RSF1: variants seen among roughly 807,000 people sequenced by gnomAD.
The protein encoded by RSF1 is HBV pX-associated protein 8.
A neutral mutation model predicts 145.2 loss-of-function variants in RSF1; 13 were observed. The observed-to-expected ratio is 0.09, with a 90% CI of 0.06 to 0.14. The LOEUF is 0.14. RSF1 is among the 10% of genes least tolerant of loss of function. RSF1 has a pLI of 1.00. For synonymous variants in RSF1, 577 were observed against 592.6 expected, an observed-to-expected ratio of 0.97 and a Z score of 0.38; for missense variants, 1,517 against 1,718.2, an observed-to-expected ratio of 0.88 and a Z score of 2.07.
intron 4 of RSF1, chr11:77,738,556 G>A (rs1248921332): frequency 6.6e-6 from 1 of 152,162 alleles, no homozygotes. Context: ...TGGATACCAA[G>A]GGACAAAAGT....
the RSF1 span, among the ~76,000 whole-genome samples, chr11:77,865,012 C>T: frequency 6.6e-6 from 1 of 152,076 alleles, no homozygotes; most frequent in Non-Finnish European, 1.5e-5. Flanking sequence ...ACTCTATTTC[C>T]ATAGTTCTTA....
chr11:77,725,924 G>A (rs948390007), intron 4 of RSF1, among the ~76,000 whole-genome samples: 1 of 152,100 alleles, frequency 6.6e-6, no homozygotes, highest in Non-Finnish European at 1.5e-5. Flanking sequence ...CCTCTCTACT[G>A]ATTGGAATGA....
the RSF1 span, among the ~76,000 whole-genome samples, chr11:77,829,357 T>G: frequency 6.6e-6 from 1 of 152,214 alleles, no homozygotes; most frequent in Non-Finnish European, 1.5e-5. Flanking sequence ...TTTTGTTGTT[T>G]AAGTTACCAA....
At chr11:77,699,400 A>G (rs1035876291) in intron 6 of RSF1, among the ~76,000 whole-genome samples, 4 of 122,576 alleles carry the variant, frequency 3.3e-5, no homozygotes, top group Non-Finnish European at 5.0e-5. Flanking sequence ...AAAGAACAAA[A>G]TAAGTCTAAC....
At chr11:77,671,212 C>T (rs1382622449) in intron 15 of RSF1, among the ~76,000 whole-genome samples, 1 of 106,712 alleles carries the variant, frequency 9.4e-6, no homozygotes, top group Non-Finnish European at 1.8e-5. Context: ...TATATATACA[C>T]TATATATATA....
rs890216869 is a variant in RSF1, at chr11:77,665,642, T to A, written c.*1275A>T. 1.3e-5 allele frequency: 2 copies of A among 152,250 alleles called. No homozygotes were observed. 9.4% of individuals were successfully genotyped at this position (152,250 alleles called of 1,614,324 possible). A position where few individuals can be genotyped will look rare whatever the true frequency, so the allele number is the denominator to read the frequency against. ...CTATTAATTACATCGGCAGTTCTCA[T>A]TCAACTCTATGTTGGTTGTATGACT... is the stretch of plus-strand genomic sequence containing the variant. On this transcript the variant is annotated 3_prime_UTR_variant, in exon 16 of 16. Transcript: ENST00000308488.
chr11:77,718,928 AATC>A (rs1960879804), intron 5 of RSF1, among the ~76,000 whole-genome samples: 1 of 152,200 alleles, frequency 6.6e-6, no homozygotes, highest in East Asian at 1.9e-4. Context: ...ATCAAAGGAA[AATC>A]ATCAGTAAGT....
intron 7 of RSF1, among the ~76,000 whole-genome samples, chr11:77,694,647 GGT>G (rs1960238970): frequency 6.6e-6 from 1 of 152,028 alleles, no homozygotes; most frequent in South Asian, 2.1e-4. Flanking sequence ...ATATAACTAT[GGT>G]ACATTTATCA....
chr11:77,713,157 TTTTA>T (rs1960726261), intron 5 of RSF1, among the ~76,000 whole-genome samples: 1 of 152,194 alleles, frequency 6.6e-6, no homozygotes, highest in Non-Finnish European at 1.5e-5. Context: ...ATGATTAAAC[TTTTA>T]TTTATTTATC....
At chr11:77,761,332 A>AT (rs1948169828) in intron 2 of RSF1, among the ~76,000 whole-genome samples, 1 of 151,764 alleles carries the variant, frequency 6.6e-6, no homozygotes, top group Non-Finnish European at 1.5e-5. Flanking sequence ...ATTTGCTTTC[A>AT]TTTTTTAACA....
intron 3 of RSF1, among the ~76,000 whole-genome samples, chr11:77,743,188 G>A (rs1032432278): frequency 7.9e-5 from 12 of 152,118 alleles, no homozygotes; most frequent in Admixed American, 4.6e-4. Flanking sequence ...CTCCAGTTTT[G>A]TTCTTCTGGC....
rs918088297 is a variant in RSF1, at chr11:77,660,194, A to G, written c.*6723T>C. On this transcript the variant is annotated 3_prime_UTR_variant, in exon 16 of 16. Coordinates refer to ENST00000308488, the MANE Select transcript of RSF1 (RefSeq NM_016578.4). ...GTAGTGAGACACTGAACATTTCATT[A>G]ACAAAAATACTGGCACCAGCCACAA... 2.0e-5 allele frequency: 3 copies of G among 152,218 alleles called. No individual in the cohort carries two copies. Among genetic ancestry groups the G allele is most frequent in the Non-Finnish European group, 4.4e-5 (3 of 68,028 alleles). 9.4% of individuals were successfully genotyped at this position (152,218 alleles called of 1,614,324 possible).
intron 4 of RSF1, chr11:77,735,145 C>T (rs1380373786): frequency 1.1e-5 from 8 of 708,468 alleles, no homozygotes; most frequent in African/African-American, 3.5e-5. Flanking sequence ...TGGCTATGGG[C>T]GGCCGGCTGG....
intron 5 of RSF1, among the ~76,000 whole-genome samples, chr11:77,713,680 A>G (rs1960740875): frequency 6.6e-6 from 1 of 152,046 alleles, no homozygotes. Flanking sequence ...TCAAATCCTT[A>G]TATCCTATGT....
chr11:77,832,608 G>A, the RSF1 span, among the ~76,000 whole-genome samples: 1 of 151,938 alleles, frequency 6.6e-6, no homozygotes, highest in Non-Finnish European at 1.5e-5. Context: ...TTACAGGCAT[G>A]AGCCACCGCG....
At position 77,681,094 on chromosome 11, in the gene RSF1, C is replaced by T. The variant is rs11237270; in HGVS notation, c.3065+2616G>A. Among the ~76,000 whole-genome samples, 662 of 152,268 alleles carry T rather than the reference C, an allele frequency of 4.3e-3. 20 individuals carry two copies. The East Asian group carries it at 0.057, about 13-fold the overall frequency. Reference sequence around the variant, plus strand: ...ATAATCTAAGTCATTTTTAATGCAACTAAACAGCCTTGATTTATATCCCAG... The same window carrying T: ...ATAATCTAAGTCATTTTTAATGCAATTAAACAGCCTTGATTTATATCCCAG... On this transcript the variant is annotated intron_variant, in intron 11 of 15. Coordinates refer to ENST00000308488, the MANE Select transcript of RSF1 (RefSeq NM_016578.4).
At chr11:77,861,002 C>A in the RSF1 span, among the ~76,000 whole-genome samples, 6 of 152,238 alleles carry the variant, frequency 3.9e-5, no homozygotes, top group South Asian at 1.2e-3. Context: ...AGGTTCTTAA[C>A]AATTTTCTTG....
chr11:77,714,695 A>C (rs1960764348), intron 5 of RSF1, among the ~76,000 whole-genome samples: 1 of 152,180 alleles, frequency 6.6e-6, no homozygotes, highest in African/African-American at 2.4e-5. Context: ...TACAAAAATT[A>C]GCTAAGCGCA....
the RSF1 span, among the ~76,000 whole-genome samples, chr11:77,835,418 C>T: frequency 1.3e-5 from 2 of 152,096 alleles, no homozygotes; most frequent in South Asian, 2.1e-4. Flanking sequence ...TGACTACCTC[C>T]AGACTTTAAA....
Sources: gnomAD v4.1 joint callset for allele counts (sites outside exome capture counted in the v4.1 genomes callset) on GRCh38, gnomAD v4.1.1 for gene constraint, MANE v1.5 for transcripts, NCBI Gene and HGNC (gene_info 2026-07-23, HGNC 2026-07-21) for gene names.